Variants in SIAH3 observed in about 807,000 individuals in gnomAD.
SIAH3 encodes the protein seven in absentia homolog 3.
In SIAH3, 9 loss-of-function variants were observed where a neutral mutation model predicts 12.6. That is an observed-to-expected ratio of 0.72 (90% confidence interval 0.43 to 1.25). The LOEUF (loss-of-function observed/expected upper bound fraction) is 1.25, where lower values mean the gene tolerates loss of function less well. Ranked by LOEUF, SIAH3 falls within the 50% of genes most tolerant of loss-of-function variation. The pLI is 0.00. For missense variants in SIAH3, 390 were observed against 365.4 expected, an observed-to-expected ratio of 1.07 and a Z score of -0.55; for synonymous variants, 154 against 151.1, an observed-to-expected ratio of 1.02 and a Z score of -0.14.
At chr13:45,848,024 G>C (rs1056258412) in intron 1 of SIAH3, among the ~76,000 whole-genome samples, 2 of 152,144 alleles carry the variant, frequency 1.3e-5, no homozygotes, top group African/African-American at 4.8e-5. Flanking sequence ...GGCGCCAATG[G>C]GAGTGGAGCC....
intron 1 of SIAH3, among the ~76,000 whole-genome samples, chr13:45,841,151 A>G (rs1950738785): frequency 6.6e-6 from 1 of 152,156 alleles, no homozygotes; most frequent in Non-Finnish European, 1.5e-5. Flanking sequence ...CACAGAGGGA[A>G]CCCAGGGTTC....
At chr13:45,845,799 C>A (rs1467228791) in intron 1 of SIAH3, among the ~76,000 whole-genome samples, 1 of 151,978 alleles carries the variant, frequency 6.6e-6, no homozygotes, top group Admixed American at 6.6e-5. Flanking sequence ...AAAATTATGG[C>A]CCAAACTCAT....
At chr13:45,831,080 G>A (rs571180825) in intron 1 of SIAH3, among the ~76,000 whole-genome samples, 3 of 152,172 alleles carry the variant, frequency 2.0e-5, no homozygotes, top group African/African-American at 7.2e-5. Flanking sequence ...TTGAGAGACT[G>A]AGGCAAGAGA....
At chr13:45,844,822 A>T (rs118125827) in intron 1 of SIAH3, among the ~76,000 whole-genome samples, 409 of 152,324 alleles carry the variant, frequency 2.7e-3, no homozygotes, top group Non-Finnish European at 4.5e-3. Flanking sequence ...GAAACTACTT[A>T]TTGGTGAAAG....
At chr13:45,846,075 A>G (rs1950758821) in intron 1 of SIAH3, among the ~76,000 whole-genome samples, 1 of 139,480 alleles carries the variant, frequency 7.2e-6, no homozygotes, top group African/African-American at 2.7e-5. Flanking sequence ...ATGTTAGAAG[A>G]CCTAACTTCT....
At chr13:45,828,440 C>G (rs1215890328) in intron 1 of SIAH3, among the ~76,000 whole-genome samples, 1 of 152,204 alleles carries the variant, frequency 6.6e-6, no homozygotes, top group Non-Finnish European at 1.5e-5. Flanking sequence ...CTGAAAGCTG[C>G]TAGGATTCTG....
At chr13:45,809,095 A>G (rs1440371854) in intron 1 of SIAH3, among the ~76,000 whole-genome samples, 2 of 152,194 alleles carry the variant, frequency 1.3e-5, no homozygotes, top group Admixed American at 6.5e-5. Flanking sequence ...ATGTGGGTCA[A>G]TGACTCCTGA....
intron 1 of SIAH3, among the ~76,000 whole-genome samples, chr13:45,793,343 CA>C (rs1359561172): frequency 6.6e-6 from 1 of 152,210 alleles, no homozygotes; most frequent in Non-Finnish European, 1.5e-5. Context: ...CTGAGTTCTT[CA>C]AAAATGTCAT....
intron 1 of SIAH3, among the ~76,000 whole-genome samples, chr13:45,848,251 A>G (rs1950767520): frequency 6.6e-6 from 1 of 152,162 alleles, no homozygotes; most frequent in Non-Finnish European, 1.5e-5. Flanking sequence ...AAGTGGGGGC[A>G]CCATTTGGAA....
rs1250462315 is a variant in SIAH3 at position 45,783,831 on chromosome 13, TCCAGGCGGCCTTC to T, written c.349_361del (p.Glu117ArgfsTer51). The T allele has an allele frequency of 1.3e-5, 21 of 1,614,014 alleles. No individual in the cohort carries two copies. The highest frequency in any genetic ancestry group is 2.7e-5 in the African/African-American group (2 of 74,914). On this transcript the variant is annotated frameshift_variant, in exon 2 of 2. Transcript: ENST00000400405. LOFTEE classifies it high-confidence loss of function. ...CTGCCGCAGGTGGGGCACCACCACC[TCCAGGCGGCCTTC>T]CCACTGGCAGGAGAACAAGGGACAC...
chr13:45,843,590 G>A (rs1195820483), intron 1 of SIAH3, among the ~76,000 whole-genome samples: 1 of 152,168 alleles, frequency 6.6e-6, no homozygotes, highest in Non-Finnish European at 1.5e-5. Flanking sequence ...GACCCAGCCT[G>A]TCTTCCAGGC....
intron 1 of SIAH3, among the ~76,000 whole-genome samples, chr13:45,798,681 C>T (rs1203436010): frequency 2.0e-5 from 3 of 152,234 alleles, no homozygotes. Flanking sequence ...CATGGCTTTG[C>T]TCACTTCGGC....
chr13:45,843,034 C>CTCTCTGTGTGTGTGTGTG (rs560128772), intron 1 of SIAH3, among the ~76,000 whole-genome samples: 2 of 139,188 alleles, frequency 1.4e-5, no homozygotes, highest in Admixed American at 7.6e-5. Context: ...CTCTCTCTCT[C>CTCTCTGTGTGTGTGTGTG]TGTGTGTGTG....
At chr13:45,811,643 C>T (rs1950616943) in intron 1 of SIAH3, among the ~76,000 whole-genome samples, 1 of 152,092 alleles carries the variant, frequency 6.6e-6, no homozygotes, top group African/African-American at 2.4e-5. Flanking sequence ...TTGTATTTGG[C>T]AAAGCACTTC....
chr13:45,794,102 T>C (rs1393712043), intron 1 of SIAH3, among the ~76,000 whole-genome samples: 4 of 151,980 alleles, frequency 2.6e-5, no homozygotes, highest in Non-Finnish European at 5.9e-5. Flanking sequence ...GACACTTTTT[T>C]TTTTTTTTGA....
At chr13:45,798,372 T>C (rs553142479) in intron 1 of SIAH3, among the ~76,000 whole-genome samples, 164 of 152,334 alleles carry the variant, frequency 1.1e-3, no homozygotes, top group Non-Finnish European at 1.8e-3. Context: ...TCACTCACCA[T>C]GTGCTGTGGG....
At chr13:45,831,743 T>C (rs74961794) in intron 1 of SIAH3, among the ~76,000 whole-genome samples, 5,562 of 152,264 alleles carry the variant, frequency 0.037, 328 homozygotes, top group African/African-American at 0.12. Context: ...ACAGCTCATT[T>C]CTTCATGTGT....
intron 1 of SIAH3, among the ~76,000 whole-genome samples, chr13:45,841,016 T>C (rs555456656): frequency 6.6e-6 from 1 of 152,352 alleles, no homozygotes; most frequent in African/African-American, 2.4e-5. Context: ...TGTAGCATTT[T>C]GTGGTTGTTA....
intron 1 of SIAH3, among the ~76,000 whole-genome samples, chr13:45,800,822 AAC>A (rs1277084069): frequency 6.6e-6 from 1 of 152,220 alleles, no homozygotes; most frequent in Admixed American, 6.5e-5. Flanking sequence ...TTGTTGTTTT[AAC>A]ACAAGAAATT....
Sources: allele counts gnomAD v4.1 joint callset (sites outside exome capture counted in the v4.1 genomes callset), GRCh38; gene constraint gnomAD v4.1.1; transcripts MANE v1.5; gene names NCBI Gene and HGNC (gene_info 2026-07-23, HGNC 2026-07-21).